The following CFAP61 variants were observed in gnomAD, a reference collection of about 807,000 sequenced individuals.
CFAP61 encodes the protein cilia and flagella associated protein 61.
In CFAP61, 107 loss-of-function variants were observed where a neutral mutation model predicts 135.6. The ratio of observed to expected loss-of-function variants is 0.79; its 90% CI spans 0.67 to 0.93. The LOEUF (loss-of-function observed/expected upper bound fraction) is 0.93. CFAP61 is among the 40% of genes least tolerant of loss of function. The pLI is 0.00. For synonymous variants in CFAP61, 575 were observed against 578.5 expected, an observed-to-expected ratio of 0.99 and a Z score of 0.09; for missense variants, 1,507 against 1,556.2, an observed-to-expected ratio of 0.97 and a Z score of 0.53.
Position 20,360,230 on chromosome 20 carries a change from A to T in CFAP61, c.3534A>T (p.Ile1178=). ...TACAGGAGGAAGATCTTCCTTCCAT[A>T]GAGCAGTTAGCCCATCAAATAGAAG... ...ASKEEEDLPS[I]EQLAHQIEDE... Residue 1178 remains isoleucine, a synonymous_variant, in exon 27 of 27, where the codon ATA becomes ATT. Coordinates refer to ENST00000245957, the MANE Select transcript of CFAP61 (RefSeq NM_015585.4). 1.2e-6 allele frequency: 2 copies of T among 1,613,798 alleles called. No homozygotes were observed. The highest frequency in any genetic ancestry group is 1.7e-6 in the Non-Finnish European group (2 of 1,179,792).
rs572829285 is a variant in CFAP61 at position 20,141,497 on chromosome 20, C to G, written c.860-1360C>G. ...GAAGAGGGATTCTAAGTGATTTACC[C>G]TCTCTTCTCAGGACATTTTCTCTTC... On this transcript the variant is annotated intron_variant, in intron 8 of 26. Coordinates refer to ENST00000245957, the MANE Select transcript of CFAP61 (RefSeq NM_015585.4). Among the ~76,000 whole-genome samples the G allele has an allele frequency of 2.8e-4, 42 of 152,308 alleles. 1 individual carries two copies. The South Asian group carries it at 8.3e-3, about 30-fold the overall frequency.
intron 9 of CFAP61, among the ~76,000 whole-genome samples, chr20:20,157,478 T>C (rs1192360615): frequency 1.3e-5 from 2 of 152,218 alleles, no homozygotes; most frequent in African/African-American, 4.8e-5. Flanking sequence ...GCTCAACATA[T>C]AGACAACTGA....
At chr20:20,318,066 C>T (rs2057239160) in intron 25 of CFAP61, among the ~76,000 whole-genome samples, 1 of 152,192 alleles carries the variant, frequency 6.6e-6, no homozygotes, top group African/African-American at 2.4e-5. Context: ...CAACTCAAAC[C>T]CTCTCTTGTA....
intron 8 of CFAP61, among the ~76,000 whole-genome samples, chr20:20,113,818 C>T (rs1204139609): frequency 2.0e-5 from 3 of 152,210 alleles, no homozygotes; most frequent in South Asian, 2.1e-4. Flanking sequence ...TTGGGATTCT[C>T]TGTTCTATTT....
In CFAP61 at chr20:20,172,321, AC is replaced by A. The variant is rs984734763; in HGVS notation, c.1385+2862del. 28 of 859,452 alleles carry A rather than the reference AC, an allele frequency of 3.3e-5. No homozygotes were observed. The African/African-American group carries it at 1.0e-3, about 31-fold the overall frequency. 53.2% of individuals were successfully genotyped at this position (859,452 alleles called of 1,614,324 possible). On this transcript the variant is annotated intron_variant, in intron 13 of 26. Coordinates refer to ENST00000245957, the MANE Select transcript of CFAP61 (RefSeq NM_015585.4). ...TTGATTTTTTTGTTTTAATTAATAA[AC>A]TTTTTTTTTTTTGAGACGGCATCTC... is the stretch of plus-strand genomic sequence containing the variant.
intron 8 of CFAP61, among the ~76,000 whole-genome samples, chr20:20,118,853 A>T (rs1255448174): frequency 2.1e-5 from 3 of 144,574 alleles, no homozygotes; most frequent in South Asian, 2.2e-4. Flanking sequence ...TTGGGGAATA[A>T]TTTTTTTTTT....
At chr20:20,285,611 C>CT (rs1184495697) in intron 22 of CFAP61, among the ~76,000 whole-genome samples, 5 of 152,100 alleles carry the variant, frequency 3.3e-5, no homozygotes, top group Non-Finnish European at 7.4e-5. Flanking sequence ...GCAGCTCACC[C>CT]TTTTATAAAA....
intron 18 of CFAP61, among the ~76,000 whole-genome samples, chr20:20,239,878 C>A (rs1362174656): frequency 6.6e-6 from 1 of 152,112 alleles, no homozygotes; most frequent in Non-Finnish European, 1.5e-5. Context: ...GAGAGACAAA[C>A]CCTCTAGACA....
At chr20:20,356,591 TG>T (rs2059186270) in intron 26 of CFAP61, among the ~76,000 whole-genome samples, 1 of 23,206 alleles carries the variant, frequency 4.3e-5, no homozygotes. Flanking sequence ...GTGGTCACAC[TG>T]GGGAGGTGGT....
intron 8 of CFAP61, among the ~76,000 whole-genome samples, chr20:20,123,971 G>GTTTTTTTTTTTTTTTTTTTTTTTTATTT (rs35528584): frequency 1.5e-5 from 1 of 65,268 alleles, no homozygotes; most frequent in African/African-American, 6.0e-5. Flanking sequence ...ATATTCCTAA[G>GTTTTTTTTTTTTTTTTTTTTTTTTATTT]TTTTTTTTTT....
chr20:20,103,001 GGCTGGTGTTAACAGAAAGGAGGGCAGA>G lies in CFAP61; in HGVS notation c.859+4196_859+4222del, dbSNP rs1159695311. Among the ~76,000 whole-genome samples, 3 of 152,250 alleles carry G rather than the reference GGCTGGTGTTAACAGAAAGGAGGGCAGA, an allele frequency of 2.0e-5. No individual in the cohort carries two copies. In the East Asian group the frequency reaches 5.8e-4, roughly 29 times the overall value. On this transcript the variant is annotated intron_variant, in intron 8 of 26. Transcript: ENST00000245957. ...TTATCAAAAGTTTCCCTGGAGGTCT[GGCTGGTGTTAACAGAAAGGAGGGCAGA>G]GCTGGTGTGGCTGACCATGGAGAAA...
intron 13 of CFAP61, among the ~76,000 whole-genome samples, chr20:20,187,168 T>A (rs2055563091): frequency 6.6e-6 from 1 of 152,158 alleles, no homozygotes; most frequent in Non-Finnish European, 1.5e-5. Context: ...ATGTGTCATG[T>A]AGCTGACTCA....
At chr20:20,085,201 C>G (rs1173282253) in intron 6 of CFAP61, 2 of 985,442 alleles carry the variant, frequency 2.0e-6, no homozygotes, top group Non-Finnish European at 2.4e-6. Context: ...CACAGTGGCT[C>G]TCCTTGCATC....
At chr20:20,278,547 C>T (rs1453048605) in intron 22 of CFAP61, among the ~76,000 whole-genome samples, 1 of 151,108 alleles carries the variant, frequency 6.6e-6, no homozygotes, top group African/African-American at 2.4e-5. Context: ...TGTGTGTTAA[C>T]GGTTGTGATA....
chr20:20,314,044 C>G (rs144127862), intron 25 of CFAP61, among the ~76,000 whole-genome samples: 1 of 152,224 alleles, frequency 6.6e-6, no homozygotes, highest in African/African-American at 2.4e-5. Flanking sequence ...TACCCAAATA[C>G]TTCCCACTGG....
At chr20:20,137,395 G>A (rs934994808) in intron 8 of CFAP61, among the ~76,000 whole-genome samples, 1 of 152,160 alleles carries the variant, frequency 6.6e-6, no homozygotes, top group African/African-American at 2.4e-5. Flanking sequence ...AGAGCCAGGA[G>A]TAGGAAACCT....
intron 9 of CFAP61, among the ~76,000 whole-genome samples, chr20:20,156,973 A>G (rs1171143905): frequency 6.6e-6 from 1 of 152,238 alleles, no homozygotes; most frequent in Non-Finnish European, 1.5e-5. Flanking sequence ...AGTTTAATTA[A>G]TTGATTCCAA....
intron 25 of CFAP61, among the ~76,000 whole-genome samples, chr20:20,300,376 G>A (rs558451841): frequency 7.2e-5 from 11 of 152,302 alleles, no homozygotes; most frequent in South Asian, 4.1e-4. Context: ...GCAGCTCCAC[G>A]TGTGTTATTG....
intron 1 of CFAP61, among the ~76,000 whole-genome samples, chr20:20,053,541 T>C (rs2043948779): frequency 6.6e-6 from 1 of 152,246 alleles, no homozygotes; most frequent in Non-Finnish European, 1.5e-5. Flanking sequence ...TTAGGATAAT[T>C]TCCACAGTTG....
Sources: allele counts gnomAD v4.1 joint callset (sites outside exome capture counted in the v4.1 genomes callset), GRCh38; gene constraint gnomAD v4.1.1; transcripts MANE v1.5; gene names NCBI Gene and HGNC (gene_info 2026-07-23, HGNC 2026-07-21).